TFB1M: variants seen among roughly 807,000 people sequenced by gnomAD.
TFB1M encodes the protein dimethyladenosine transferase 1, mitochondrial.
In TFB1M, 27 loss-of-function variants were observed where a neutral mutation model predicts 31.1. That is an observed-to-expected ratio of 0.87 (90% CI 0.64 to 1.20). The LOEUF (loss-of-function observed/expected upper bound fraction) is 1.20, where lower values mean the gene tolerates loss of function less well. Among genes scored for constraint, TFB1M ranks in the 50% most tolerant of loss-of-function variants. The pLI, the probability that TFB1M is intolerant of heterozygous loss-of-function variation, is 0.00. For synonymous variants in TFB1M, 166 were observed against 151.8 expected (o/e 1.09, Z -0.69); for missense variants, 394 against 418.7 (o/e 0.94, Z 0.51).
the TFB1M span, among the ~76,000 whole-genome samples, chr6:155,248,763 T>C: frequency 6.6e-6 from 1 of 152,202 alleles, no homozygotes; most frequent in Non-Finnish European, 1.5e-5. Flanking sequence ...TGATAGTAAA[T>C]AGAGGATCCT....
At chr6:155,247,948 T>C in the TFB1M span, 1 of 1,556,900 alleles carries the variant, frequency 6.4e-7, no homozygotes, top group Non-Finnish European at 8.7e-7. Context: ...AAATGAAGAA[T>C]TTAATTCACC....
In TFB1M at chr6:155,296,064, T is replaced by C. The variant is rs1364710341; in HGVS notation, c.546+889A>G. Among the ~76,000 whole-genome samples, 5 of 152,250 alleles carry C rather than the reference T, an allele frequency of 3.3e-5. No individual in the cohort carries two copies. The East Asian group carries it at 7.7e-4, about 23-fold the overall frequency. On this transcript the variant is annotated intron_variant, in intron 4 of 6. Transcript: ENST00000367166. ...ACTTAAGAGTCTGCACATCCGTCCT[T>C]ATACCTTTGCAGCTCAAGCACCACC...
chr6:155,312,847 G>GA (rs1322111135), intron 1 of TFB1M, among the ~76,000 whole-genome samples: 3 of 151,994 alleles, frequency 2.0e-5, no homozygotes, highest in African/African-American at 7.2e-5. Flanking sequence ...TTTATATTTA[G>GA]AATGTGGCTA....
chr6:155,266,182 A>G (rs1398716779), intron 5 of TFB1M, among the ~76,000 whole-genome samples: 1 of 152,144 alleles, frequency 6.6e-6, no homozygotes, highest in African/African-American at 2.4e-5. Flanking sequence ...AGTGTTAACC[A>G]TCACAACATT....
chr6:155,298,187 T>C (rs1777262167), intron 3 of TFB1M, among the ~76,000 whole-genome samples: 1 of 152,210 alleles, frequency 6.6e-6, no homozygotes, highest in Non-Finnish European at 1.5e-5. Context: ...AAATAACAAT[T>C]GATAGTTTAC....
At chr6:155,261,814 C>T (rs79739560) in intron 5 of TFB1M, among the ~76,000 whole-genome samples, 3 of 152,154 alleles carry the variant, frequency 2.0e-5, no homozygotes, top group Admixed American at 6.5e-5. Context: ...ATGTGCCAAG[C>T]GGCCTTTCCA....
chr6:155,244,930 C>G, the TFB1M span: 1 of 1,062,434 alleles, frequency 9.4e-7, no homozygotes, highest in Non-Finnish European at 1.3e-6. Context: ...CACCGTTTTC[C>G]TCTGTCAGGT....
chr6:155,281,898 G>GA (rs1562403369), intron 5 of TFB1M, among the ~76,000 whole-genome samples: 1 of 151,522 alleles, frequency 6.6e-6, no homozygotes, highest in South Asian at 2.1e-4. Context: ...CAGAGTAGCT[G>GA]AAAAAAAAGA....
At chr6:155,272,954 A>G (rs1583325588) in intron 5 of TFB1M, among the ~76,000 whole-genome samples, 1 of 152,222 alleles carries the variant, frequency 6.6e-6, no homozygotes, top group Non-Finnish European at 1.5e-5. Context: ...ATTGACAACA[A>G]AGGTTATTCA....
downstream of TFB1M, chr6:155,254,528 C>A: frequency 1.2e-6 from 2 of 1,613,982 alleles, no homozygotes; most frequent in Non-Finnish European, 1.7e-6. Flanking sequence ...GTGTAAGGAT[C>A]GCCTGGTACC....
At chr6:155,307,574 C>T (rs324370) in intron 2 of TFB1M, among the ~76,000 whole-genome samples, 19,592 of 152,054 alleles carry the variant, frequency 0.13, 1,831 homozygotes, top group African/African-American at 0.26. Context: ...ATGGGAATTA[C>T]GGGAGCTACA....
chr6:155,276,363 T>C lies in TFB1M; in HGVS notation c.666+8795A>G, dbSNP rs575498275. Reference sequence around the variant, plus strand: ...CTCGAGAACAATTCCACACACAATCTGAAGGATTATGTGTAAATAACTGAG... The same window carrying C: ...CTCGAGAACAATTCCACACACAATCCGAAGGATTATGTGTAAATAACTGAG... On this transcript the variant is annotated intron_variant, in intron 5 of 6. Transcript: ENST00000367166. 15 of 1,612,724 alleles carry C rather than the reference T, an allele frequency of 9.3e-6. No homozygotes were observed. In the East Asian group the frequency reaches 3.3e-4, roughly 36 times the overall value.
intron 4 of TFB1M, among the ~76,000 whole-genome samples, chr6:155,294,723 C>G (rs987368070): frequency 6.6e-6 from 1 of 152,124 alleles, no homozygotes; most frequent in Non-Finnish European, 1.5e-5. Context: ...TATAAACAGG[C>G]GTGATGATTT....
Position 155,257,765 on chromosome 6 carries a change from A to T in TFB1M, c.*71T>A, listed in dbSNP as rs1477743780. 4 of 1,583,000 alleles carry T rather than the reference A, an allele frequency of 2.5e-6. No homozygotes were observed. In the African/African-American group the frequency reaches 5.4e-5, roughly 22 times the overall value. On this transcript the variant is annotated 3_prime_UTR_variant, in exon 7 of 7. Transcript: ENST00000367166. ...TGTATCGTCATTCTGTAAAGACAAA[A>T]GAGTACCTATATAAGAAGCTCCACG...
downstream of TFB1M, chr6:155,253,377 T>A: frequency 3.5e-6 from 1 of 285,240 alleles, no homozygotes; most frequent in Non-Finnish European, 6.6e-6. Context: ...TTTTTACAAA[T>A]TTAGAATATA....
At chr6:155,272,161 C>T (rs770579120) in intron 5 of TFB1M, among the ~76,000 whole-genome samples, 3 of 152,008 alleles carry the variant, frequency 2.0e-5, no homozygotes, top group Non-Finnish European at 2.9e-5. Flanking sequence ...GACAACTGAC[C>T]GAAGGAGTTA....
chr6:155,285,620 T>C (rs1193109474), intron 4 of TFB1M, among the ~76,000 whole-genome samples: 1 of 152,176 alleles, frequency 6.6e-6, no homozygotes, highest in Non-Finnish European at 1.5e-5. Context: ...ATGAAGAAAT[T>C]AGCAAGCATA....
chr6:155,240,833 T>C, the TFB1M span: 1 of 971,968 alleles, frequency 1.0e-6, no homozygotes, highest in Non-Finnish European at 1.5e-6. Flanking sequence ...GGACACCTGC[T>C]CCTTGAATCA....
At chr6:155,250,047 C>T in the TFB1M span, 1 of 1,013,942 alleles carries the variant, frequency 9.9e-7, no homozygotes, top group Non-Finnish European at 1.5e-6. Context: ...ATAGGCTGCC[C>T]TGTTAGGACT....
Sources: gnomAD v4.1 joint callset for allele counts (sites outside exome capture counted in the v4.1 genomes callset) on GRCh38, gnomAD v4.1.1 for gene constraint, MANE v1.5 for transcripts, NCBI Gene and HGNC (gene_info 2026-07-23, HGNC 2026-07-21) for gene names.